The following TET1 variants were observed in gnomAD, a reference collection of about 807,000 sequenced individuals.
TET1 encodes tet methylcytosine dioxygenase 1.
Under a neutral mutation model 148.7 loss-of-function variants are expected in TET1, and 13 were observed. The ratio of observed to expected loss-of-function variants is 0.09; its 90% CI spans 0.06 to 0.14. The LOEUF is 0.14. TET1 is among the 10% of genes least tolerant of loss of function. The probability of loss-of-function intolerance (pLI) is 1.00; values close to 1 mark genes in which losing one functional copy is unlikely to be tolerated. For missense variants in TET1, 2,182 were observed against 2,553.8 expected (o/e 0.85, Z 3.14); for synonymous variants, 907 against 937.2 (o/e 0.97, Z 0.59).
Position 68,666,910 on chromosome 10 carries a change from C to A in TET1, c.4462-135C>A, listed in dbSNP as rs934080443. On this transcript the variant is annotated intron_variant, in intron 6 of 11. Coordinates refer to ENST00000373644, the MANE Select transcript of TET1 (RefSeq NM_030625.3). ...ACCAGCCTTGGTAACATAGTTAGAC[C>A]CCGTCTGTAGAACAGATTTTATAAA... is the stretch of plus-strand genomic sequence containing the variant. The A allele has an allele frequency of 5.0e-6, 4 of 799,244 alleles. No homozygotes were observed. The African/African-American group carries it at 7.0e-5, about 14-fold the overall frequency. The allele number at this position is 799,244 out of a possible 1,614,324, so 49.5% of individuals were successfully genotyped here.
At chr10:68,663,735 A>G (rs976922981) in intron 6 of TET1, among the ~76,000 whole-genome samples, 2 of 152,194 alleles carry the variant, frequency 1.3e-5, no homozygotes, top group Non-Finnish European at 1.5e-5. Context: ...TACACACAGA[A>G]CAAGAATGTG....
At chr10:68,632,618 G>A (rs1747) in intron 3 of TET1, 871,963 of 1,561,354 alleles carry the variant, frequency 0.56, 243,940 homozygotes, top group Non-Finnish European at 0.58. Flanking sequence ...AATTATGCAA[G>A]GCAAAGAATC....
chr10:68,585,929 A>T (rs2053855976), intron 2 of TET1, among the ~76,000 whole-genome samples: 1 of 146,178 alleles, frequency 6.8e-6, no homozygotes. Flanking sequence ...AATTGCTTGA[A>T]CCCTGGAGAC....
At position 68,692,314 on chromosome 10, in the gene TET1, T is replaced by C; in HGVS notation, c.*500T>C. 4.3e-6 allele frequency: 1 copy of C among 232,686 alleles called. No individual in the cohort carries two copies. The highest frequency in any genetic ancestry group is 6.2e-5 in the East Asian group (1 of 16,202). 14.4% of individuals were successfully genotyped at this position (232,686 alleles called of 1,614,324 possible). The stretch of plus-strand genomic sequence containing the variant: ...CAATCATTGCTAGAAAATTGGCATA[T>C]TCCTTTGAAATAAACTTATGAAATG... On this transcript the variant is annotated 3_prime_UTR_variant, in exon 12 of 12. Transcript: ENST00000373644.
chr10:68,677,444 G>C (rs966068515), intron 8 of TET1, among the ~76,000 whole-genome samples: 2 of 152,196 alleles, frequency 1.3e-5, no homozygotes, highest in African/African-American at 4.8e-5. Flanking sequence ...AATTCCCAAA[G>C]TGCTCCATGC....
intron 2 of TET1, among the ~76,000 whole-genome samples, chr10:68,575,989 C>T (rs9663210): frequency 0.16 from 22,845 of 146,984 alleles, 1,924 homozygotes; most frequent in South Asian, 0.25. Flanking sequence ...CACTGCACTC[C>T]AGCCTGGGTG....
In TET1 at chr10:68,567,754, A is replaced by C. The variant is rs559142789; in HGVS notation, c.-122-4463A>C. On this transcript the variant is annotated intron_variant, in intron 1 of 11. Coordinates refer to ENST00000373644, the MANE Select transcript of TET1 (RefSeq NM_030625.3). Reference sequence around the variant, plus strand: ...GCAATAAGAGTGAAACTCCATCTTAAAAATTAAAAAAAAAAAATCATAGAA... The same window carrying C: ...GCAATAAGAGTGAAACTCCATCTTACAAATTAAAAAAAAAAAATCATAGAA... Among the ~76,000 whole-genome samples the C allele has an allele frequency of 7.7e-4, 115 of 148,636 alleles. 1 individual carries two copies. The South Asian group carries it at 0.01, about 13-fold the overall frequency.
intron 3 of TET1, among the ~76,000 whole-genome samples, chr10:68,608,145 G>A (rs2054152344): frequency 1.3e-5 from 2 of 152,114 alleles, no homozygotes; most frequent in Non-Finnish European, 2.9e-5. Flanking sequence ...GGCCAGGATG[G>A]TCTCAATCTC....
At chr10:68,565,753 A>G (rs886857055) in intron 1 of TET1, among the ~76,000 whole-genome samples, 1 of 152,066 alleles carries the variant, frequency 6.6e-6, no homozygotes, top group Non-Finnish European at 1.5e-5. Context: ...TTAGTTTGTC[A>G]CAAAAGAAGT....
chr10:68,634,160 A>C (rs1173597790), intron 3 of TET1, among the ~76,000 whole-genome samples: 1 of 152,162 alleles, frequency 6.6e-6, no homozygotes, highest in Non-Finnish European at 1.5e-5. Context: ...GCTGGCTGGC[A>C]TTACAGGCAT....
At chr10:68,615,181 T>G (rs2132941960) in intron 3 of TET1, among the ~76,000 whole-genome samples, 1 of 151,894 alleles carries the variant, frequency 6.6e-6, no homozygotes, top group Non-Finnish European at 1.5e-5. Context: ...TCCACCCGCC[T>G]GGGCCTCCTG....
chr10:68,676,268 A>AT (rs1217792442), intron 8 of TET1, among the ~76,000 whole-genome samples: 17 of 35,994 alleles, frequency 4.7e-4, no homozygotes, highest in Admixed American at 1.0e-3. Flanking sequence ...ATATATATAT[A>AT]TTTTTTTTTT....
In TET1 at chr10:68,645,895, A is replaced by G; in HGVS notation, c.3166A>G (p.Lys1056Glu). The change falls in exon 4 of 12, where the codon AAA (lysine) becomes GAA (glutamate). Residue 1056 changes from lysine to glutamate, a missense_variant. Transcript: ENST00000373644. ...TTGCAACCAGTTACTGGACAGCAGC[A>G]AAAAATTGGACTCAGATGATCTATC... is the stretch of plus-strand genomic sequence containing the variant. ...EYCNQLLDSS[K>E]KLDSDDLSCQ... 1 of 1,614,126 alleles carries G rather than the reference A, an allele frequency of 6.2e-7. No homozygotes were observed. The highest frequency in any genetic ancestry group is 8.5e-7 in the Non-Finnish European group (1 of 1,180,028).
chr10:68,617,313 C>T (rs961624933), intron 3 of TET1, among the ~76,000 whole-genome samples: 2 of 151,878 alleles, frequency 1.3e-5, no homozygotes, highest in Non-Finnish European at 2.9e-5. Flanking sequence ...CGTTAGCCAC[C>T]GCGCCTGGCC....
In TET1 at chr10:68,691,013, C is replaced by A. The variant is rs756735294; in HGVS notation, c.5610C>A (p.Cys1870Ter). The A allele has an allele frequency of 6.2e-7, 1 of 1,614,146 alleles. No individual in the cohort carries two copies. The highest frequency in any genetic ancestry group is 8.5e-7 in the Non-Finnish European group (1 of 1,179,986). ...TGAAGAATGACGCAACAGCCTCATG[C>A]GGGTTTTCAGAAAGAAGCAGCACTC... The part of the protein sequence containing the change: ...APLKNDATAS[C>*]GFSERSSTPH... The change falls in exon 12 of 12, where the codon TGC becomes TGA. Residue 1870 changes from cysteine (C) to a stop codon, truncating the protein, a stop_gained. Transcript: ENST00000373644. LOFTEE classifies it low-confidence loss of function (END_TRUNC). This position sits in a 1 kb window ranked among gnomAD's most constrained non-coding sequence, Gnocchi z 4.4.
chr10:68,685,595 G>A (rs569341409), intron 10 of TET1, among the ~76,000 whole-genome samples: 22 of 152,068 alleles, frequency 1.4e-4, no homozygotes, highest in South Asian at 1.2e-3. Context: ...AGTTTTTAAA[G>A]CAGAATATTA....
intron 3 of TET1, among the ~76,000 whole-genome samples, chr10:68,624,648 CTTTCTT>C (rs1263375672): frequency 2.4e-4 from 13 of 54,602 alleles, no homozygotes; most frequent in Admixed American, 8.7e-4. Context: ...TTCTTTCTTT[CTTTCTT>C]TCTTTCTCTC....
At chr10:68,577,240 T>C (rs1564950640) in intron 2 of TET1, among the ~76,000 whole-genome samples, 1 of 151,520 alleles carries the variant, frequency 6.6e-6, no homozygotes, top group Non-Finnish European at 1.5e-5. Flanking sequence ...AGAGACAGGG[T>C]TTTGCCATGT....
chr10:68,639,285 G>T (rs886112575), intron 3 of TET1, among the ~76,000 whole-genome samples: 10 of 151,708 alleles, frequency 6.6e-5, no homozygotes, highest in Non-Finnish European at 1.0e-4. Context: ...AGTTGGGTGT[G>T]GTCCTGTGAG....
Sources: allele counts gnomAD v4.1 joint callset (sites outside exome capture counted in the v4.1 genomes callset), GRCh38; gene constraint gnomAD v4.1.1; non-coding constraint Gnocchi (gnomAD v3.1); transcripts MANE v1.5; gene names NCBI Gene and HGNC (gene_info 2026-07-23, HGNC 2026-07-21).